Variants in SARM1 observed in about 807,000 individuals in gnomAD.
The protein encoded by SARM1 is NAD(+) hydrolase SARM1.
A neutral mutation model predicts 65.1 loss-of-function variants in SARM1; 60 were observed. The observed-to-expected ratio is 0.92, with a 90% confidence interval of 0.75 to 1.14. The LOEUF (loss-of-function observed/expected upper bound fraction) is 1.14. Ranked by LOEUF, SARM1 falls within the 50% of genes most tolerant of loss-of-function variation. The pLI is 0.00. For missense variants in SARM1, 913 were observed against 1,015.7 expected (o/e 0.90, Z 1.37); for synonymous variants, 417 against 465.4 (o/e 0.90, Z 1.34).
In SARM1 at chr17:28,372,605, TCTGA is replaced by T. The variant is rs1426922144; in HGVS notation, c.470+107_470+110del. ...GCCGTGCCTTTGCCTCCCTCACCTCTCTGACTGCCTGCACTACATCTCTGTTAGG... is the reference window on the plus strand; with the variant it reads ...GCCGTGCCTTTGCCTCCCTCACCTCTCTGCCTGCACTACATCTCTGTTAGG... On this transcript the variant is annotated intron_variant, in intron 1 of 8. Coordinates refer to ENST00000585482, the MANE Select transcript of SARM1 (RefSeq NM_015077.4). This position sits in a 1 kb window ranked among gnomAD's most constrained non-coding sequence, Gnocchi z 5.2. 3 of 808,708 alleles carry T rather than the reference TCTGA, an allele frequency of 3.7e-6. No individual in the cohort carries two copies. The highest frequency in any genetic ancestry group is 5.6e-6 in the Non-Finnish European group (3 of 537,248). 50.1% of individuals were successfully genotyped at this position (808,708 alleles called of 1,614,324 possible).
chr17:28,391,897 T>TTC (rs1567810073), intron 7 of SARM1, among the ~76,000 whole-genome samples: 1 of 148,750 alleles, frequency 6.7e-6, no homozygotes, highest in Non-Finnish European at 1.5e-5. Context: ...TTTTTTTTTT[T>TTC]CCAGTAGAGA....
chr17:28,377,530 G>A (rs1025035771), intron 1 of SARM1, among the ~76,000 whole-genome samples: 4 of 152,214 alleles, frequency 2.6e-5, no homozygotes, highest in Admixed American at 6.5e-5. Flanking sequence ...ATTTAACCTA[G>A]GTGGCCAAGG....
Position 28,381,533 on chromosome 17 carries a change from G to A in SARM1, c.801G>A (p.Arg267=). 1.9e-6 allele frequency: 3 copies of A among 1,577,638 alleles called. No individual in the cohort carries two copies. The highest frequency in any genetic ancestry group is 1.8e-5 in the Admixed American group (1 of 54,678). ...LAFSKEDELL[R]LHACLAVAVL... is the part of the protein sequence containing the mutation. ...TCTCCAAGGAGGACGAGCTGCTTCG[G>A]CTGCACGCCTGCCTCGCAGTAGCGG... The change falls in exon 2 of 9, where the codon CGG becomes CGA. Residue 267 remains arginine (R), a synonymous_variant. Coordinates refer to ENST00000585482, the MANE Select transcript of SARM1 (RefSeq NM_015077.4).
At chr17:28,381,948 G>A (rs1424095986) in intron 2 of SARM1, 127 bp downstream of exon 2, 5 of 1,201,358 alleles carry the variant, frequency 4.2e-6, no homozygotes, top group Non-Finnish European at 5.4e-6. Flanking sequence ...GACAAAGGAG[G>A]AGCGGGCCAG....
intron 7 of SARM1, 178 bp from the exon 8 acceptor site, chr17:28,395,727 G>GA (rs2068112941): frequency 4.7e-6 from 3 of 639,650 alleles, no homozygotes; most frequent in Non-Finnish European, 5.3e-6. Flanking sequence ...CTGGGCAAAG[G>GA]AAAAATATTT....
Position 28,372,120 on chromosome 17 carries a change from G to T in SARM1, c.88G>T (p.Val30Leu). 6.8e-7 allele frequency: 1 copy of T among 1,470,136 alleles called. No individual in the cohort carries two copies. The allele number at this position is 1,470,136 out of a possible 1,614,324, so 91.1% of individuals were successfully genotyped here. A position where few individuals can be genotyped will look rare whatever the true frequency, so the allele number is the denominator to read the frequency against. The change falls in exon 1 of 9, where the codon GTG (valine) becomes TTG (leucine). Residue 30 changes from valine to leucine, a missense_variant. Val to Leu is a conservative substitution (Grantham distance 32). This residue lies in a region of SARM1 where 12 missense variants were observed against 31.5 expected (regional missense o/e 0.38). Transcript: ENST00000585482. This position sits in a 1 kb window ranked among gnomAD's most constrained non-coding sequence, Gnocchi z 5.2. ...GPRPGAERLAVPGPDGGGGTG... is the reference protein window; with the variant it reads ...GPRPGAERLALPGPDGGGGTG... Reference sequence around the variant, plus strand: ...ACGGCCGGGCGCCGAGCGGCTGGCGGTGCCTGGGCCAGATGGGGGCGGTGG... The same window carrying T: ...ACGGCCGGGCGCCGAGCGGCTGGCGTTGCCTGGGCCAGATGGGGGCGGTGG...
At chr17:28,373,785 G>A (rs2067971794) in intron 1 of SARM1, 1 of 152,244 alleles carries the variant, frequency 6.6e-6, no homozygotes, top group Non-Finnish European at 1.5e-5. Context: ...CCAAGGAGAG[G>A]AGGGTTGCAA....
In SARM1 at chr17:28,381,573, A is replaced by G. The variant is rs1555585272; in HGVS notation, c.841A>G (p.Lys281Glu). ...CLAVAVLATN[K>E]EVEREVERSG... The stretch of plus-strand genomic sequence containing the variant: ...CGCAGTAGCGGTGTTGGCGACTAAC[A>G]AGGAGGTGGAGCGCGAGGTGGAGCG... Residue 281 changes from lysine (K) to glutamate (E), a missense_variant, in exon 2 of 9, where the codon AAG (lysine) becomes GAG (glutamate). Coordinates refer to ENST00000585482, the MANE Select transcript of SARM1 (RefSeq NM_015077.4). 3 of 1,592,476 alleles carry G rather than the reference A, an allele frequency of 1.9e-6. No homozygotes were observed. The highest frequency in any genetic ancestry group is 1.7e-5 in the Admixed American group (1 of 57,202).
Position 28,384,243 on chromosome 17 carries a change from GGGCAGAT to G in SARM1, c.1090-111_1090-105del. ...GACTTAGTGGCTGAAGGTGGGGCCA[GGGCAGAT>G]GGAGAGACTTTGGGTTGTGAGAAGA... On this transcript the variant is annotated intron_variant, in intron 2 of 8. Coordinates refer to ENST00000585482, the MANE Select transcript of SARM1 (RefSeq NM_015077.4). The surrounding 1 kb of genome is among the most constrained non-coding windows in gnomAD (Gnocchi z 4.4). 2 of 829,616 alleles carry G rather than the reference GGGCAGAT, an allele frequency of 2.4e-6. No homozygotes were observed. Among genetic ancestry groups the G allele is most frequent in the East Asian group, 5.5e-5 (2 of 36,384 alleles). The allele number at this position is 829,616 out of a possible 1,614,324, so 51.4% of individuals were successfully genotyped here.
chr17:28,380,612 A>C (rs2068017409), intron 1 of SARM1, among the ~76,000 whole-genome samples: 1 of 152,224 alleles, frequency 6.6e-6, no homozygotes, highest in South Asian at 2.1e-4. Flanking sequence ...GCATCTGTTG[A>C]ATGAATGAAT....
chr17:28,401,017 C>A lies in SARM1; in HGVS notation c.*4731C>A, dbSNP rs2068191359. The stretch of plus-strand genomic sequence containing the variant: ...CACATTAAAAGTACATGTGATCTGA[C>A]AGAACCCAGCACATAAAAGAAAAAA... On this transcript the variant is annotated 3_prime_UTR_variant, in exon 9 of 9. Coordinates refer to ENST00000585482, the MANE Select transcript of SARM1 (RefSeq NM_015077.4). The A allele has an allele frequency of 4.2e-6, 2 of 472,436 alleles. No individual in the cohort carries two copies. Among genetic ancestry groups the A allele is most frequent in the Admixed American group, 3.9e-5 (1 of 25,798 alleles). The allele number at this position is 472,436 out of a possible 1,614,324, so 29.3% of individuals were successfully genotyped here.
Position 28,396,997 on chromosome 17 carries a change from G to C in SARM1, c.*711G>C, listed in dbSNP as rs1346546104. 1 of 152,436 alleles carries C rather than the reference G, an allele frequency of 6.6e-6. No individual in the cohort carries two copies. The highest frequency in any genetic ancestry group is 1.5e-5 in the Non-Finnish European group (1 of 68,128). The allele number at this position is 152,436 out of a possible 1,614,324, so 9.4% of individuals were successfully genotyped here. Reference sequence around the variant, plus strand: ...ACTTGCTGGTGCACAGGAGCCTCCTGTTTGGGCCTGGGTCTGGGCATGGGG... The same window carrying C: ...ACTTGCTGGTGCACAGGAGCCTCCTCTTTGGGCCTGGGTCTGGGCATGGGG... On this transcript the variant is annotated 3_prime_UTR_variant, in exon 9 of 9. Transcript: ENST00000585482.
intron 1 of SARM1, among the ~76,000 whole-genome samples, chr17:28,378,191 T>C (rs2068003967): frequency 6.6e-6 from 1 of 152,212 alleles, no homozygotes; most frequent in African/African-American, 2.4e-5. Flanking sequence ...GAGTTTTCAG[T>C]GGCTTCTCTT....
intron 7 of SARM1, among the ~76,000 whole-genome samples, chr17:28,389,963 C>T (rs2068072221): frequency 6.6e-6 from 1 of 152,254 alleles, no homozygotes; most frequent in South Asian, 2.1e-4. Flanking sequence ...AGGGAGAGAG[C>T]ATCAAGGTGT....
chr17:28,381,470 A>T lies in SARM1; in HGVS notation c.738A>T (p.Val246=). The change falls in exon 2 of 9, where the codon GTA becomes GTT. Residue 246 remains valine (V), a synonymous_variant. Coordinates refer to ENST00000585482, the MANE Select transcript of SARM1 (RefSeq NM_015077.4). ...HGGQAVQRRM[V]EKRAAEWLFP... is the part of the protein sequence containing the mutation. ...GCCAGGCGGTGCAGCGACGCATGGT[A>T]GAGAAGCGCGCAGCCGAGTGGCTCT... The T allele has an allele frequency of 1.3e-6, 2 of 1,552,746 alleles. No individual in the cohort carries two copies. The highest frequency in any genetic ancestry group is 1.7e-6 in the Non-Finnish European group (2 of 1,148,536).
In SARM1 at chr17:28,396,675, G is replaced by T; in HGVS notation, c.*389G>T. On this transcript the variant is annotated 3_prime_UTR_variant, in exon 9 of 9. Transcript: ENST00000585482. The stretch of plus-strand genomic sequence containing the variant: ...AAGGCAGCCTCAGACAGGAATTAAG[G>T]CAATGCCCAGGCGGGCCTGGGCACT... The T allele has an allele frequency of 4.7e-6, 1 of 214,412 alleles. No homozygotes were observed. The highest frequency in any genetic ancestry group is 8.6e-5 in the South Asian group (1 of 11,568). 13.3% of individuals were successfully genotyped at this position (214,412 alleles called of 1,614,324 possible). A position where few individuals can be genotyped will look rare whatever the true frequency, so the allele number is the denominator to read the frequency against.
At position 28,372,265 on chromosome 17, in the gene SARM1, C is replaced by A. The variant is rs2067961858; in HGVS notation, c.233C>A (p.Ala78Glu). Residue 78 changes from alanine to glutamate, a missense_variant, in exon 1 of 9, where the codon GCG (alanine) becomes GAG (glutamate). Ala to Glu is a moderately radical substitution (Grantham distance 107). This residue lies in a region of SARM1 where 862 missense variants were observed against 952.1 expected (regional missense o/e 0.91). Coordinates refer to ENST00000585482, the MANE Select transcript of SARM1 (RefSeq NM_015077.4). The surrounding 1 kb of genome is among the most constrained non-coding windows in gnomAD (Gnocchi z 5.2). ...CCGGAGCTGCAGCAGGCCTTGTCCGCGCTGAAGCAGGCGGGCGGCGCGCGG... is the reference window on the plus strand; with the variant it reads ...CCGGAGCTGCAGCAGGCCTTGTCCGAGCTGAAGCAGGCGGGCGGCGCGCGG... ...ALPELQQALS[A>E]LKQAGGARAV... is the part of the protein sequence containing the mutation. The A allele has an allele frequency of 3.6e-6, 5 of 1,393,652 alleles. No individual in the cohort carries two copies. Among genetic ancestry groups the A allele is most frequent in the Admixed American group, 3.6e-5 (1 of 27,514 alleles). The allele number at this position is 1,393,652 out of a possible 1,614,324, so 86.3% of individuals were successfully genotyped here.
At chr17:28,379,902 TC>T (rs2068012085) in intron 1 of SARM1, among the ~76,000 whole-genome samples, 4 of 152,356 alleles carry the variant, frequency 2.6e-5, no homozygotes, top group Admixed American at 2.0e-4. Context: ...TTAGAGCATC[TC>T]TTTATCTGGT....
At chr17:28,380,634 G>T (rs1018434236) in intron 1 of SARM1, among the ~76,000 whole-genome samples, 3 of 152,190 alleles carry the variant, frequency 2.0e-5, no homozygotes, top group Admixed American at 1.3e-4. Flanking sequence ...GATATGCCCC[G>T]GTCATGGGCC....
Sources: allele counts gnomAD v4.1 joint callset (sites outside exome capture counted in the v4.1 genomes callset), GRCh38; gene constraint gnomAD v4.1.1; regional missense constraint gnomAD v4.1.1; non-coding constraint Gnocchi (gnomAD v3.1); transcripts MANE v1.5; gene names NCBI Gene and HGNC (gene_info 2026-07-23, HGNC 2026-07-21).